The following RSU1 variants were observed in gnomAD, a reference collection of about 807,000 sequenced individuals.
RSU1 encodes rsu-1.
Under a neutral mutation model 31.1 loss-of-function variants are expected in RSU1, and 26 were observed. The ratio of observed to expected loss-of-function variants is 0.84; its 90% CI spans 0.61 to 1.16. The LOEUF (loss-of-function observed/expected upper bound fraction) is 1.16, where lower values mean the gene tolerates loss of function less well. Among genes scored for constraint, RSU1 ranks in the 50% most tolerant of loss-of-function variants. The pLI is 0.00. For synonymous variants in RSU1, 164 were observed against 136.3 expected (o/e 1.20, Z -1.41); for missense variants, 320 against 339.1 (o/e 0.94, Z 0.44).
intron 8 of RSU1, among the ~76,000 whole-genome samples, chr10:16,650,137 C>T (rs1834655244): frequency 1.3e-5 from 2 of 152,176 alleles, no homozygotes; most frequent in Admixed American, 1.3e-4. Context: ...TAACAGAAAG[C>T]TAAATTAAAA....
At chr10:16,603,949 T>A (rs1175090978) in intron 8 of RSU1, among the ~76,000 whole-genome samples, 1 of 152,206 alleles carries the variant, frequency 6.6e-6, no homozygotes, top group African/African-American at 2.4e-5. Context: ...ACCACTACTA[T>A]GAAAATGCAC....
chr10:16,654,916 C>T (rs1432879044), intron 8 of RSU1, among the ~76,000 whole-genome samples: 1 of 150,328 alleles, frequency 6.7e-6, no homozygotes, highest in African/African-American at 2.4e-5. Context: ...TTTTGAAAAA[C>T]AGGTGGGTGT....
chr10:16,615,009 T>A (rs945999700), intron 8 of RSU1, among the ~76,000 whole-genome samples: 3 of 152,068 alleles, frequency 2.0e-5, no homozygotes, highest in Non-Finnish European at 4.4e-5. Context: ...AGCATCACGA[T>A]GGGATCAAAT....
chr10:16,685,402 A>G (rs1449863615), intron 8 of RSU1, among the ~76,000 whole-genome samples: 1 of 152,234 alleles, frequency 6.6e-6, no homozygotes, highest in African/African-American at 2.4e-5. Context: ...TTATTAGGAA[A>G]GTAAAGGAAT....
intron 7 of RSU1, among the ~76,000 whole-genome samples, chr10:16,749,317 T>A (rs1836925433): frequency 6.6e-6 from 1 of 152,228 alleles, no homozygotes; most frequent in Non-Finnish European, 1.5e-5. Context: ...CTGTATGTTC[T>A]CAGACCTGAT....
At chr10:16,783,270 A>G (rs1228400303) in intron 2 of RSU1, among the ~76,000 whole-genome samples, 6 of 151,914 alleles carry the variant, frequency 3.9e-5, no homozygotes, top group Non-Finnish European at 8.8e-5. Flanking sequence ...CCTTAAACGG[A>G]TAAGATAAAA....
At chr10:16,604,884 A>C (rs1326009613) in intron 8 of RSU1, among the ~76,000 whole-genome samples, 2 of 152,140 alleles carry the variant, frequency 1.3e-5, no homozygotes. Context: ...TGGGAGCTCA[A>C]ACCGCGTGGG....
chr10:16,782,166 A>C (rs1837667331), intron 2 of RSU1, 82 bp from the exon 3 acceptor site: 1 of 1,095,108 alleles, frequency 9.1e-7, no homozygotes, highest in African/African-American at 1.6e-5. Flanking sequence ...TACAAAGCAA[A>C]CGGCAAAGTT....
chr10:16,721,998 C>T (rs1836273398), intron 7 of RSU1, among the ~76,000 whole-genome samples: 3 of 152,170 alleles, frequency 2.0e-5, no homozygotes, highest in Admixed American at 2.0e-4. Flanking sequence ...ACTGTACTAT[C>T]ATAGTAGTTC....
intron 3 of RSU1, among the ~76,000 whole-genome samples, chr10:16,770,911 A>G (rs1837412238): frequency 6.6e-6 from 1 of 151,864 alleles, no homozygotes; most frequent in Non-Finnish European, 1.5e-5. Context: ...TCACAGCAAA[A>G]TGAAACTGAG....
intron 7 of RSU1, among the ~76,000 whole-genome samples, chr10:16,741,189 T>G (rs2131610358): frequency 6.6e-6 from 1 of 152,170 alleles, no homozygotes; most frequent in South Asian, 2.1e-4. Flanking sequence ...TTGACAAGAG[T>G]GCCAAGACCA....
rs531650872 is a variant in RSU1, at chr10:16,623,977, G to A, written c.732-30481C>T. On this transcript the variant is annotated intron_variant, in intron 8 of 8. Coordinates refer to ENST00000345264, the MANE Select transcript of RSU1 (RefSeq NM_012425.4). ...CCTTAGATCTTAGACCTTGGGCTCT[G>A]AAGTCAAAATGAGTATGAAACCCAG... Among the ~76,000 whole-genome samples, 13 of 152,186 alleles carry A rather than the reference G, an allele frequency of 8.5e-5. No individual in the cohort carries two copies. In the South Asian group the frequency reaches 2.5e-3, roughly 29 times the overall value.
chr10:16,753,910 A>G (rs1227008225), intron 5 of RSU1, among the ~76,000 whole-genome samples: 2 of 152,106 alleles, frequency 1.3e-5, no homozygotes, highest in Admixed American at 6.6e-5. Context: ...GGCTCATGCT[A>G]CTATGCCTGG....
At chr10:16,643,799 C>A (rs1834487416) in intron 8 of RSU1, among the ~76,000 whole-genome samples, 1 of 151,876 alleles carries the variant, frequency 6.6e-6, no homozygotes, top group South Asian at 2.1e-4. Context: ...GTATATTCAG[C>A]CCTTCATGTC....
At chr10:16,620,789 C>T (rs1046709351) in intron 8 of RSU1, among the ~76,000 whole-genome samples, 1 of 151,002 alleles carries the variant, frequency 6.6e-6, no homozygotes, top group Admixed American at 6.6e-5. Context: ...AGCTTGCAGT[C>T]AGCTGAGATC....
chr10:16,798,498 A>AG (rs1432528862), intron 2 of RSU1, among the ~76,000 whole-genome samples: 1 of 152,072 alleles, frequency 6.6e-6, no homozygotes, highest in Non-Finnish European at 1.5e-5. Flanking sequence ...TGGTTTTATA[A>AG]GGGGCTCTTC....
chr10:16,630,235 T>C (rs1374492501), intron 8 of RSU1, among the ~76,000 whole-genome samples: 1 of 152,172 alleles, frequency 6.6e-6, no homozygotes, highest in Non-Finnish European at 1.5e-5. Context: ...TAAAGATTAC[T>C]CTAGAATGCA....
intron 8 of RSU1, among the ~76,000 whole-genome samples, chr10:16,674,814 T>C (rs1835195084): frequency 6.6e-6 from 1 of 152,062 alleles, no homozygotes; most frequent in Non-Finnish European, 1.5e-5. Flanking sequence ...GGCAGATCAC[T>C]TGAGACTCAG....
chr10:16,620,452 C>T (rs1180210743), intron 8 of RSU1, among the ~76,000 whole-genome samples: 2 of 151,832 alleles, frequency 1.3e-5, no homozygotes, highest in African/African-American at 4.8e-5. Context: ...CCTAACTCAC[C>T]TCTACAGTGG....
Sources: allele counts gnomAD v4.1 joint callset (sites outside exome capture counted in the v4.1 genomes callset), GRCh38; gene constraint gnomAD v4.1.1; transcripts MANE v1.5; gene names NCBI Gene and HGNC (gene_info 2026-07-23, HGNC 2026-07-21).